SUSD4: variants seen among roughly 807,000 people sequenced by gnomAD.
SUSD4 encodes sushi domain containing 4.
A neutral mutation model predicts 50.5 loss-of-function variants in SUSD4; 41 were observed. The observed-to-expected ratio is 0.81, with a 90% CI of 0.63 to 1.05. The LOEUF (loss-of-function observed/expected upper bound fraction) is 1.05. SUSD4 is among the 50% of genes least tolerant of loss of function. SUSD4 has a pLI of 0.00. For synonymous variants in SUSD4, 257 were observed against 257.3 expected (o/e 1.00, Z 0.01); for missense variants, 580 against 634.7 (o/e 0.91, Z 0.93).
In SUSD4 at chr1:223,229,862, C is replaced by T. The variant is rs1659775491; in HGVS notation, c.725-474G>A. ...GCAGTGTCCCTAACCTGATCCCCTA[C>T]AGCTCTGCTGAGGCTTAGCCAATGA... On this transcript the variant is annotated intron_variant, in intron 5 of 8. Coordinates refer to ENST00000366878, the MANE Select transcript of SUSD4 (RefSeq NM_017982.4). This position sits in a 1 kb window ranked among gnomAD's most constrained non-coding sequence, Gnocchi z 4.7. Among the ~76,000 whole-genome samples, 1 of 152,206 alleles carries T rather than the reference C, an allele frequency of 6.6e-6. No homozygotes were observed. Among genetic ancestry groups the T allele is most frequent in the African/African-American group, 2.4e-5 (1 of 41,454 alleles).
intron 5 of SUSD4, among the ~76,000 whole-genome samples, chr1:223,258,322 C>T (rs371535825): frequency 6.6e-6 from 1 of 152,212 alleles, no homozygotes; most frequent in East Asian, 1.9e-4. Flanking sequence ...CCTTTCAAGT[C>T]ATTTCACATT....
At chr1:223,281,039 T>C (rs1057474470) in intron 3 of SUSD4, among the ~76,000 whole-genome samples, 4 of 152,198 alleles carry the variant, frequency 2.6e-5, no homozygotes, top group Admixed American at 6.5e-5. Flanking sequence ...TTGAAACCAA[T>C]GAGAACAAAG....
intron 2 of SUSD4, among the ~76,000 whole-genome samples, chr1:223,307,548 G>T (rs73122263): frequency 6.6e-6 from 1 of 152,108 alleles, no homozygotes; most frequent in Non-Finnish European, 1.5e-5. Flanking sequence ...GTAAACTAGA[G>T]TCCAGATAGC....
intron 2 of SUSD4, among the ~76,000 whole-genome samples, chr1:223,314,622 G>A (rs541431925): frequency 6.6e-6 from 1 of 152,240 alleles, no homozygotes; most frequent in East Asian, 1.9e-4. Context: ...ATTGAATCAT[G>A]GGGGCGGGTC....
intron 1 of SUSD4, 45 bp from the exon 2 acceptor site, chr1:223,363,505 C>A (rs1669126562): frequency 2.2e-6 from 3 of 1,391,598 alleles, no homozygotes; most frequent in East Asian, 2.8e-5. Context: ...TCTGTCCGGG[C>A]TCGGGGGCCA....
At chr1:223,233,790 A>G (rs1221771651) in intron 5 of SUSD4, among the ~76,000 whole-genome samples, 1 of 152,234 alleles carries the variant, frequency 6.6e-6, no homozygotes, top group Admixed American at 6.5e-5. Flanking sequence ...CACCCAGGGA[A>G]AACCTGTGGG....
chr1:223,300,414 T>A (rs1665109477), intron 2 of SUSD4, among the ~76,000 whole-genome samples: 1 of 152,208 alleles, frequency 6.6e-6, no homozygotes, highest in South Asian at 2.1e-4. Context: ...TTGACACTTC[T>A]GGTTTGGTTA....
intron 2 of SUSD4, among the ~76,000 whole-genome samples, chr1:223,345,081 G>A (rs1667958447): frequency 6.6e-6 from 1 of 152,174 alleles, no homozygotes; most frequent in Non-Finnish European, 1.5e-5. Context: ...GTCACACACT[G>A]TAAAGAAAAT....
At chr1:223,346,196 T>A (rs1668024067) in intron 2 of SUSD4, among the ~76,000 whole-genome samples, 1 of 152,130 alleles carries the variant, frequency 6.6e-6, no homozygotes, top group Non-Finnish European at 1.5e-5. Flanking sequence ...CTTCAGACAT[T>A]GCCAAATGTC....
At chr1:223,345,799 T>G (rs561586455) in intron 2 of SUSD4, among the ~76,000 whole-genome samples, 2 of 152,336 alleles carry the variant, frequency 1.3e-5, no homozygotes, top group South Asian at 4.1e-4. Flanking sequence ...TTCTCTCTCA[T>G]GCCTACACTA....
chr1:223,307,612 G>T (rs564600259), intron 2 of SUSD4, among the ~76,000 whole-genome samples: 2 of 152,124 alleles, frequency 1.3e-5, no homozygotes, highest in Non-Finnish European at 2.9e-5. Flanking sequence ...GGACTTTTGC[G>T]GGGGGATTGG....
intron 2 of SUSD4, chr1:223,358,991 T>C (rs1381596471): frequency 4.4e-6 from 2 of 459,192 alleles, no homozygotes; most frequent in Non-Finnish European, 9.1e-6. Context: ...TTCCACCTGC[T>C]GGCACAGAGC....
intron 2 of SUSD4, among the ~76,000 whole-genome samples, chr1:223,315,219 T>C (rs1278121203): frequency 6.6e-6 from 1 of 152,214 alleles, no homozygotes; most frequent in Non-Finnish European, 1.5e-5. Flanking sequence ...CCCCCAAAGC[T>C]TAACTGCCTT....
intron 3 of SUSD4, among the ~76,000 whole-genome samples, chr1:223,277,978 A>T (rs1285365015): frequency 2.0e-5 from 3 of 152,090 alleles, no homozygotes; most frequent in Admixed American, 6.5e-5. Context: ...TTAAATGCAG[A>T]TTCCTTGGCC....
intron 3 of SUSD4, among the ~76,000 whole-genome samples, chr1:223,280,945 G>C (rs1484041456): frequency 6.6e-6 from 1 of 152,142 alleles, no homozygotes; most frequent in Non-Finnish European, 1.5e-5. Context: ...ACTCAACACT[G>C]CTCAACTACA....
At chr1:223,244,380 A>G (rs1220487463) in intron 5 of SUSD4, among the ~76,000 whole-genome samples, 8 of 152,204 alleles carry the variant, frequency 5.3e-5, no homozygotes, top group Non-Finnish European at 1.2e-4. Flanking sequence ...GAGTCTCCAG[A>G]CACAAGAGGA....
At chr1:223,316,057 G>A (rs925385621) in intron 2 of SUSD4, among the ~76,000 whole-genome samples, 4 of 152,180 alleles carry the variant, frequency 2.6e-5, no homozygotes, top group African/African-American at 9.7e-5. Context: ...AAGTGGCTCA[G>A]ATGTGAGACC....
At chr1:223,246,633 G>A (rs1279821897) in intron 5 of SUSD4, among the ~76,000 whole-genome samples, 1 of 152,110 alleles carries the variant, frequency 6.6e-6, no homozygotes, top group Admixed American at 6.5e-5. Context: ...GGCGTAGGAG[G>A]GGCTGGAGGG....
In SUSD4 at chr1:223,339,519, T is replaced by C. The variant is rs114926241; in HGVS notation, c.148+23759A>G. On this transcript the variant is annotated intron_variant, in intron 2 of 8. Coordinates refer to ENST00000366878, the MANE Select transcript of SUSD4 (RefSeq NM_017982.4). ...CCGCCATCTCCCTTCTCACCTGCCA[T>C]GCTCCCAAAGTCTAATCCCTGCCCC... Among the ~76,000 whole-genome samples, 496 of 152,274 alleles carry C rather than the reference T, an allele frequency of 3.3e-3. 3 individuals are homozygous for C. The highest frequency in any genetic ancestry group is 0.011 in the African/African-American group (476 of 41,558).
Sources: allele counts gnomAD v4.1 joint callset (sites outside exome capture counted in the v4.1 genomes callset), GRCh38; gene constraint gnomAD v4.1.1; non-coding constraint Gnocchi (gnomAD v3.1); transcripts MANE v1.5; gene names NCBI Gene and HGNC (gene_info 2026-07-23, HGNC 2026-07-21).